The following CLEC2B variants were observed in gnomAD, a reference collection of about 807,000 sequenced individuals.
CLEC2B encodes the protein C-type lectin domain family 2 member B, also known as C-type (calcium dependent, carbohydrate-recognition domain) lectin, superfamily member 2 (activation-induced).
CLEC2B carries 14 observed loss-of-function variants against 16.2 expected under a neutral mutation model. That is an observed-to-expected ratio of 0.86 (90% CI 0.57 to 1.35). CLEC2B has a LOEUF of 1.35. Ranked by LOEUF, CLEC2B falls within the 40% of genes most tolerant of loss-of-function variation. The pLI is 0.00. For missense variants in CLEC2B, 166 were observed against 182.3 expected (o/e 0.91, Z 0.52); for synonymous variants, 42 against 55.8 (o/e 0.75, Z 1.10).
intron 3 of CLEC2B, among the ~76,000 whole-genome samples, chr12:9,856,011 A>G (rs1390131912): frequency 2.0e-5 from 3 of 152,142 alleles, no homozygotes; most frequent in Admixed American, 6.5e-5. Context: ...TCTTCAAAAT[A>G]TATCAGGATA....
At chr12:9,867,469 G>C (rs1379459951) in intron 1 of CLEC2B, among the ~76,000 whole-genome samples, 1 of 152,054 alleles carries the variant, frequency 6.6e-6, no homozygotes, top group Non-Finnish European at 1.5e-5. Flanking sequence ...GTTGTTTTCA[G>C]TTGTTTTTAA....
Position 9,854,472 on chromosome 12 carries a change from G to T in CLEC2B, c.250C>A (p.Arg84=). The T allele has an allele frequency of 1.9e-6, 3 of 1,610,824 alleles. No homozygotes were observed. Among genetic ancestry groups the T allele is most frequent in the Non-Finnish European group, 1.7e-6 (2 of 1,177,268 alleles). The change falls in exon 4 of 5, where the codon CGG becomes AGG. Residue 84 remains arginine, a synonymous_variant. Coordinates refer to ENST00000228438, the MANE Select transcript of CLEC2B (RefSeq NM_005127.3). ...CAGTGATCAGAACTGCATTTATACC[G>T]CCTAAGAAAATTCTTTAGAGACAAA... ...DNIEEMNFLR[R]YKCSSDHWIG...
At chr12:9,855,592 G>A (rs1235566020) in intron 3 of CLEC2B, among the ~76,000 whole-genome samples, 1 of 151,926 alleles carries the variant, frequency 6.6e-6, no homozygotes, top group Non-Finnish European at 1.5e-5. Flanking sequence ...AATATTCCGT[G>A]TAAATGCAGA....
chr12:9,861,894 A>T (rs2136979932), intron 2 of CLEC2B, among the ~76,000 whole-genome samples: 4 of 152,268 alleles, frequency 2.6e-5, no homozygotes, highest in African/African-American at 9.6e-5. Flanking sequence ...GTCAATGTCT[A>T]TGCATTTTCT....
chr12:9,868,863 A>C (rs10734816), intron 1 of CLEC2B, among the ~76,000 whole-genome samples: 1 of 152,100 alleles, frequency 6.6e-6, no homozygotes, highest in Non-Finnish European at 1.5e-5. Context: ...GGCTAAATTT[A>C]TCATATTATG....
At chr12:9,867,455 A>G (rs888828531) in intron 1 of CLEC2B, among the ~76,000 whole-genome samples, 4 of 152,134 alleles carry the variant, frequency 2.6e-5, no homozygotes, top group South Asian at 4.1e-4. Context: ...TACACTCAGC[A>G]TAAGTTGTTT....
chr12:9,862,654 C>G (rs1867941461), intron 1 of CLEC2B, 81 bp from the exon 2 acceptor site: 7 of 1,210,430 alleles, frequency 5.8e-6, no homozygotes, highest in Non-Finnish European at 7.5e-6. Flanking sequence ...TTAATGTCCC[C>G]CACAGAAAAC....
At chr12:9,863,924 G>C (rs1867951342) in intron 1 of CLEC2B, among the ~76,000 whole-genome samples, 1 of 152,076 alleles carries the variant, frequency 6.6e-6, no homozygotes, top group Admixed American at 6.6e-5. Context: ...GCTTGAGAAA[G>C]AGATAAAGAT....
chr12:9,865,009 C>T (rs1013175088), intron 1 of CLEC2B, among the ~76,000 whole-genome samples: 9 of 151,862 alleles, frequency 5.9e-5, no homozygotes, highest in African/African-American at 2.2e-4. Flanking sequence ...ATAACGAAAC[C>T]ACATTTCTAC....
At chr12:9,865,427 T>C (rs1867964156) in intron 1 of CLEC2B, among the ~76,000 whole-genome samples, 1 of 152,156 alleles carries the variant, frequency 6.6e-6, no homozygotes, top group African/African-American at 2.4e-5. Context: ...CAAAGGTTAC[T>C]ATATAATGCT....
At chr12:9,868,045 G>A (rs1261031299) in intron 1 of CLEC2B, among the ~76,000 whole-genome samples, 3 of 150,664 alleles carry the variant, frequency 2.0e-5, no homozygotes, top group Non-Finnish European at 3.0e-5. Flanking sequence ...CTAAATTACC[G>A]CTATTAAAAC....
In CLEC2B at chr12:9,862,485, A is replaced by G; in HGVS notation, c.73+14T>C. The G allele has an allele frequency of 6.9e-7, 1 of 1,442,860 alleles. No homozygotes were observed. Among genetic ancestry groups the G allele is most frequent in the Non-Finnish European group, 9.3e-7 (1 of 1,076,332 alleles). 89.4% of individuals were successfully genotyped at this position (1,442,860 alleles called of 1,614,324 possible). A position where few individuals can be genotyped will look rare whatever the true frequency, so the allele number is the denominator to read the frequency against. ...TAGAAAGCCATGAAAAATAAAATGA[A>G]GGATGTAACTTACCTATCAGAGTAA... On this transcript the variant is annotated intron_variant, in intron 2 of 4. Coordinates refer to ENST00000228438, the MANE Select transcript of CLEC2B (RefSeq NM_005127.3).
At chr12:9,854,537 C>G in intron 3 of CLEC2B, 53 bp from the exon 4 acceptor site, 1 of 1,149,406 alleles carries the variant, frequency 8.7e-7, no homozygotes, top group Non-Finnish European at 1.3e-6. Flanking sequence ...TTATGACAAC[C>G]TACTGTGTAC....
chr12:9,855,058 C>T (rs1406511831), intron 3 of CLEC2B, among the ~76,000 whole-genome samples: 1 of 152,006 alleles, frequency 6.6e-6, no homozygotes, highest in Admixed American at 6.6e-5. Flanking sequence ...GACATTTCTT[C>T]TTCTGATGCA....
intron 1 of CLEC2B, among the ~76,000 whole-genome samples, chr12:9,866,842 C>T (rs2136982321): frequency 1.3e-5 from 2 of 152,148 alleles, no homozygotes; most frequent in African/African-American, 4.8e-5. Context: ...GAGGAAATAA[C>T]TTCGAGCTAA....
intron 1 of CLEC2B, among the ~76,000 whole-genome samples, chr12:9,862,974 G>A (rs1310238522): frequency 6.6e-6 from 1 of 152,138 alleles, no homozygotes; most frequent in Non-Finnish European, 1.5e-5. Flanking sequence ...CGGGGTGCCT[G>A]AACGAGGACA....
chr12:9,860,411 T>C (rs1445356810), intron 2 of CLEC2B, among the ~76,000 whole-genome samples: 1 of 151,826 alleles, frequency 6.6e-6, no homozygotes, highest in African/African-American at 2.4e-5. Flanking sequence ...ACTTCTATGC[T>C]AGTTACAATT....
rs1867866935 is a variant in CLEC2B at position 9,853,382 on chromosome 12, C to T, written c.368G>A (p.Cys123Tyr). The T allele has an allele frequency of 1.9e-6, 3 of 1,614,012 alleles. No individual in the cohort carries two copies. In the East Asian group the frequency reaches 6.7e-5, roughly 36 times the overall value. Reference protein sequence around the residue: ...KSFGMRGSEGCAYLSDDGAAT... With the variant: ...KSFGMRGSEGYAYLSDDGAAT... ...TGCACCATCATCGCTGAGGTAGGCA[C>T]ATCCTTCACTCCCTCTCATGCCAAA... Residue 123 changes from cysteine (C) to tyrosine (Y), a missense_variant, in exon 5 of 5, where the codon TGT becomes TAT. Transcript: ENST00000228438.
intron 2 of CLEC2B, among the ~76,000 whole-genome samples, chr12:9,860,459 A>G (rs1056636924): frequency 3.3e-5 from 5 of 151,842 alleles, no homozygotes; most frequent in African/African-American, 9.7e-5. Flanking sequence ...AATTCTTAAA[A>G]GGATGTGTGT....
Sources: allele counts gnomAD v4.1 joint callset (sites outside exome capture counted in the v4.1 genomes callset), GRCh38; gene constraint gnomAD v4.1.1; transcripts MANE v1.5; gene names NCBI Gene and HGNC (gene_info 2026-07-23, HGNC 2026-07-21).